CFAP44: variants seen among roughly 807,000 people sequenced by gnomAD.
CFAP44 encodes the protein cilia- and flagella-associated protein 44.
In CFAP44, 134 loss-of-function variants were observed where a neutral mutation model predicts 216.2. The ratio of observed to expected loss-of-function variants is 0.62; its 90% CI spans 0.54 to 0.72. The LOEUF (loss-of-function observed/expected upper bound fraction) is 0.72. Among genes scored for constraint, CFAP44 ranks in the 30% least tolerant of loss-of-function variants. The pLI is 0.00. For missense variants in CFAP44, 2,035 were observed against 2,182.1 expected (o/e 0.93, Z 1.34); for synonymous variants, 700 against 727.6 (o/e 0.96, Z 0.61).
chr3:113,378,316 C>A (rs1933408554), intron 17 of CFAP44, among the ~76,000 whole-genome samples: 1 of 152,126 alleles, frequency 6.6e-6, no homozygotes. Context: ...TAGCCATTTA[C>A]AATTGTTTTA....
intron 28 of CFAP44, among the ~76,000 whole-genome samples, chr3:113,321,920 T>A (rs1368544660): frequency 6.6e-6 from 1 of 152,162 alleles, no homozygotes; most frequent in Non-Finnish European, 1.5e-5. Context: ...AGAATCAATA[T>A]CATTAAAATG....
At position 113,341,823 on chromosome 3, in the gene CFAP44, C is replaced by G; in HGVS notation, c.3358G>C (p.Glu1120Gln). ...LSEIIVENQI[E>Q]KTRKLILKAE... ...TTTAATATAAGTTTTCTCGTTTTCTCAATTTGATTTTCCACGATGATTTCA... is the reference window on the plus strand; with the variant it reads ...TTTAATATAAGTTTTCTCGTTTTCTGAATTTGATTTTCCACGATGATTTCA... Residue 1120 changes from glutamate (E) to glutamine (Q), a missense_variant, in exon 24 of 35, where the codon GAG becomes CAG. Transcript: ENST00000393845. The G allele has an allele frequency of 6.5e-7, 1 of 1,530,740 alleles. No homozygotes were observed. Among genetic ancestry groups the G allele is most frequent in the Non-Finnish European group, 8.7e-7 (1 of 1,145,406 alleles). The allele number at this position is 1,530,740 out of a possible 1,614,324, so 94.8% of individuals were successfully genotyped here.
intron 15 of CFAP44, among the ~76,000 whole-genome samples, chr3:113,390,691 T>C (rs1933771922): frequency 6.6e-6 from 1 of 152,110 alleles, no homozygotes; most frequent in African/African-American, 2.4e-5. Flanking sequence ...AGCATTTCTA[T>C]ACACCAACAG....
intron 6 of CFAP44, among the ~76,000 whole-genome samples, chr3:113,413,464 T>C (rs558409851): frequency 4.7e-4 from 72 of 152,308 alleles, no homozygotes; most frequent in African/African-American, 1.6e-3. Context: ...TCCTGAATGG[T>C]ATTGCCTAGG....
At chr3:113,330,044 G>T in intron 26 of CFAP44, 124 bp downstream of exon 26, 2 of 1,209,366 alleles carry the variant, frequency 1.7e-6, no homozygotes, top group Non-Finnish European at 2.2e-6. Flanking sequence ...TGAGTGGTAA[G>T]CTGGTCAGGG....
At chr3:113,408,312 G>C (rs1234695415) in intron 7 of CFAP44, among the ~76,000 whole-genome samples, 1 of 152,202 alleles carries the variant, frequency 6.6e-6, no homozygotes, top group Middle Eastern at 3.2e-3. Context: ...ATAATGAAAA[G>C]AGCATGGAGT....
intron 14 of CFAP44, 39 bp downstream of exon 14, chr3:113,396,479 A>G: frequency 6.3e-7 from 1 of 1,592,968 alleles, no homozygotes; most frequent in Non-Finnish European, 8.6e-7. Flanking sequence ...ATTTAACTAT[A>G]AAATTTCAAC....
chr3:113,382,547 G>A (rs1933543228), intron 15 of CFAP44, among the ~76,000 whole-genome samples: 1 of 152,146 alleles, frequency 6.6e-6, no homozygotes, highest in Non-Finnish European at 1.5e-5. Context: ...GTTATATTTT[G>A]TAAGTGGGAG....
At chr3:113,397,219 AT>A (rs1934015789) in intron 13 of CFAP44, 1 of 160,462 alleles carries the variant, frequency 6.2e-6, no homozygotes, top group East Asian at 1.8e-4. Flanking sequence ...ATGTTCAGGA[AT>A]TAGCTAGGTA....
At chr3:113,340,739 A>T (rs889288491) in intron 24 of CFAP44, among the ~76,000 whole-genome samples, 1 of 152,240 alleles carries the variant, frequency 6.6e-6, no homozygotes, top group African/African-American at 2.4e-5. Flanking sequence ...GTCTATAGGC[A>T]GCCTGTGTTA....
intron 4 of CFAP44, among the ~76,000 whole-genome samples, chr3:113,423,603 G>GT (rs1375809150): frequency 3.2e-4 from 48 of 152,062 alleles, no homozygotes; most frequent in African/African-American, 1.0e-3. Context: ...AGCTTTCAAT[G>GT]TTTTTTCATG....
At chr3:113,400,516 A>T in intron 12 of CFAP44, 29 bp downstream of exon 12, 1 of 1,516,548 alleles carries the variant, frequency 6.6e-7, no homozygotes, top group Non-Finnish European at 8.9e-7. Context: ...ACAAGGCCAG[A>T]CATATTTTTA....
At chr3:113,388,457 G>C (rs1576584839) in intron 15 of CFAP44, among the ~76,000 whole-genome samples, 1 of 151,624 alleles carries the variant, frequency 6.6e-6, no homozygotes, top group Admixed American at 6.6e-5. Context: ...CTAAAACGTA[G>C]ATAAGAAGGA....
In CFAP44 at chr3:113,341,730, A is replaced by T; in HGVS notation, c.3437+14T>A. 7.0e-6 allele frequency: 10 copies of T among 1,423,838 alleles called. No individual in the cohort carries two copies. The highest frequency in any genetic ancestry group is 7.3e-6 in the Non-Finnish European group (8 of 1,101,130). The allele number at this position is 1,423,838 out of a possible 1,614,324, so 88.2% of individuals were successfully genotyped here. ...ATATTAAAAAGATAAGAGTTTAGGT[A>T]AAAAAAAACTCACAGTTCCTCCCAT... On this transcript the variant is annotated intron_variant, in intron 24 of 34. Transcript: ENST00000393845.
At chr3:113,306,107 G>T in intron 30 of CFAP44, 94 bp downstream of exon 30, 1 of 1,389,238 alleles carries the variant, frequency 7.2e-7, no homozygotes, top group Non-Finnish European at 9.5e-7. Context: ...TTTCTGAGAA[G>T]TCCTAATATT....
intron 18 of CFAP44, among the ~76,000 whole-genome samples, chr3:113,370,867 A>G (rs200586609): frequency 0.079 from 11,772 of 149,732 alleles, 552 homozygotes; most frequent in East Asian, 0.15. Flanking sequence ...AAGCTGATAA[A>G]CAACTTCGGC....
chr3:113,354,917 C>T (rs1341134232), intron 22 of CFAP44, among the ~76,000 whole-genome samples: 1 of 152,160 alleles, frequency 6.6e-6, no homozygotes, highest in African/African-American at 2.4e-5. Flanking sequence ...AACCAAGGAC[C>T]CTCACAGAGT....
chr3:113,366,448 G>A, intron 18 of CFAP44, 139 bp from the exon 19 acceptor site: 1 of 972,844 alleles, frequency 1.0e-6, no homozygotes, highest in African/African-American at 1.6e-5. Context: ...CTATATTGAA[G>A]CCCTAACCCC....
chr3:113,308,158 T>C lies in CFAP44; in HGVS notation c.4627A>G (p.Asn1543Asp). 1 of 1,532,254 alleles carries C rather than the reference T, an allele frequency of 6.5e-7. No individual in the cohort carries two copies. The highest frequency in any genetic ancestry group is 8.7e-7 in the Non-Finnish European group (1 of 1,145,296). 94.9% of individuals were successfully genotyped at this position (1,532,254 alleles called of 1,614,324 possible). Residue 1543 changes from asparagine (N) to aspartate (D), a missense_variant and splice_region_variant, in exon 29 of 35, where the codon AAT becomes GAT. Physicochemically the swap from Asn to Asp is conservative, Grantham distance 23 (BLOSUM62 1). Transcript: ENST00000393845. ...GAACACGTGGTTTTATCTAACTTAC[T>C]TGTTGGGCAAATAGAATCATCAAAA... ...EVFDDSICPTNCDVALFELAL... is the reference protein window; with the variant it reads ...EVFDDSICPTDCDVALFELAL...
Sources: allele counts gnomAD v4.1 joint callset (sites outside exome capture counted in the v4.1 genomes callset), GRCh38; gene constraint gnomAD v4.1.1; transcripts MANE v1.5; gene names NCBI Gene and HGNC (gene_info 2026-07-23, HGNC 2026-07-21).